STX8: variants seen among roughly 807,000 people sequenced by gnomAD.
The protein encoded by STX8 is syntaxin 8.
A neutral mutation model predicts 37.5 loss-of-function variants in STX8; 23 were observed. That is an observed-to-expected ratio of 0.61 (90% CI 0.44 to 0.87). The LOEUF is 0.87. Ranked by LOEUF, STX8 falls within the 40% of genes least tolerant of loss-of-function variation. The pLI, the probability that STX8 is intolerant of heterozygous loss-of-function variation, is 0.00. For synonymous variants in STX8, 115 were observed against 99.1 expected, an observed-to-expected ratio of 1.16 and a Z score of -0.95; for missense variants, 313 against 284.7, an observed-to-expected ratio of 1.10 and a Z score of -0.71.
intron 4 of STX8, among the ~76,000 whole-genome samples, chr17:9,506,140 C>T (rs1314562322): frequency 6.6e-6 from 1 of 152,070 alleles, no homozygotes; most frequent in South Asian, 2.1e-4. Context: ...GTCTAAGGAA[C>T]AGGAAACACA....
intron 6 of STX8, among the ~76,000 whole-genome samples, chr17:9,431,324 C>T (rs1372868321): frequency 6.6e-6 from 1 of 151,452 alleles, no homozygotes; most frequent in Non-Finnish European, 1.5e-5. Context: ...CTGCCTCGGC[C>T]TCCCAAAGTG....
At chr17:9,340,104 A>G (rs964819470) in intron 7 of STX8, among the ~76,000 whole-genome samples, 1 of 152,274 alleles carries the variant, frequency 6.6e-6, no homozygotes, top group African/African-American at 2.4e-5. Flanking sequence ...ACCATGTCAC[A>G]GAAGCCCACG....
intron 6 of STX8, among the ~76,000 whole-genome samples, chr17:9,451,551 A>G (rs1024847553): frequency 1.3e-5 from 2 of 152,190 alleles, no homozygotes; most frequent in Non-Finnish European, 2.9e-5. Flanking sequence ...GCATTCAGTA[A>G]AAGTTCCTAT....
rs147156454 is a variant in STX8 at position 9,280,114 on chromosome 17, C to CG, written c.644-29470dup. On this transcript the variant is annotated intron_variant, in intron 7 of 7. Transcript: ENST00000306357. ...TGCACGCCTCTAGTCCCAGCTACTG[C>CG]GAGGCAGGGGTGGGAGAATTGCTCG... 4.2e-3 allele frequency among the ~76,000 whole-genome samples: 639 copies of CG among 152,172 alleles called. 4 individuals are homozygous for CG. Among genetic ancestry groups the CG allele is most frequent in the African/African-American group, 0.015 (602 of 41,516 alleles).
intron 7 of STX8, among the ~76,000 whole-genome samples, chr17:9,301,452 CTTT>C (rs889723021): frequency 5.3e-5 from 8 of 151,066 alleles, no homozygotes; most frequent in African/African-American, 1.7e-4. Context: ...CAGTGCTTTA[CTTT>C]TTTTTAATTT....
chr17:9,434,639 T>C (rs1052748775), intron 6 of STX8, among the ~76,000 whole-genome samples: 2 of 152,164 alleles, frequency 1.3e-5, no homozygotes, highest in Non-Finnish European at 2.9e-5. Context: ...AGGCTTAGCC[T>C]GGGAGGGTTC....
chr17:9,306,989 T>C (rs967435298), intron 7 of STX8, among the ~76,000 whole-genome samples: 3 of 151,926 alleles, frequency 2.0e-5, no homozygotes, highest in African/African-American at 7.3e-5. Context: ...CTGGGCGTGG[T>C]GGTGCATGCC....
At chr17:9,426,419 T>G (rs888784354) in intron 6 of STX8, among the ~76,000 whole-genome samples, 24 of 151,796 alleles carry the variant, frequency 1.6e-4, no homozygotes, top group Non-Finnish European at 5.9e-5. Context: ...CCTAGCTACC[T>G]GGGAGGCTGA....
chr17:9,541,760 A>G (rs1250886476), intron 4 of STX8, among the ~76,000 whole-genome samples: 1 of 152,192 alleles, frequency 6.6e-6, no homozygotes, highest in African/African-American at 2.4e-5. Flanking sequence ...CTTCTGCAAA[A>G]TGGGGCATTA....
chr17:9,524,803 G>A (rs529904243), intron 4 of STX8, among the ~76,000 whole-genome samples: 1 of 137,180 alleles, frequency 7.3e-6, no homozygotes, highest in South Asian at 2.7e-4. Flanking sequence ...TTGAGATGGG[G>A]TCTCACTCTG....
chr17:9,525,435 C>G lies in STX8; in HGVS notation c.323+19737G>C, dbSNP rs1449625899. 2.6e-5 allele frequency among the ~76,000 whole-genome samples: 4 copies of G among 151,982 alleles called. No homozygotes were observed. The South Asian group carries it at 8.3e-4, about 31-fold the overall frequency. On this transcript the variant is annotated intron_variant, in intron 4 of 7. Coordinates refer to ENST00000306357, the MANE Select transcript of STX8 (RefSeq NM_004853.3). Reference sequence around the variant, plus strand: ...GATCTCGGCTCACTGCAAGCTCCACCTCCTGGGTTCACACCATTCTCCTGC... The same window carrying G: ...GATCTCGGCTCACTGCAAGCTCCACGTCCTGGGTTCACACCATTCTCCTGC...
chr17:9,451,784 T>C (rs1905049026), intron 6 of STX8, among the ~76,000 whole-genome samples: 3 of 142,538 alleles, frequency 2.1e-5, no homozygotes, highest in East Asian at 3.8e-4. Context: ...AAAATATACA[T>C]ATATACAGAG....
At chr17:9,453,331 C>G (rs79523146) in intron 6 of STX8, among the ~76,000 whole-genome samples, 20 of 152,168 alleles carry the variant, frequency 1.3e-4, no homozygotes, top group East Asian at 1.2e-3. Context: ...TATGTTTACC[C>G]CATGGAGAAA....
chr17:9,569,457 C>T (rs1907597118), intron 1 of STX8: 1 of 154,154 alleles, frequency 6.5e-6, no homozygotes, highest in Admixed American at 6.6e-5. Context: ...TATTGTCTAG[C>T]CTAAAACCAA....
intron 7 of STX8, among the ~76,000 whole-genome samples, chr17:9,270,329 C>G (rs905720622): frequency 2.0e-5 from 3 of 152,182 alleles, no homozygotes; most frequent in Non-Finnish European, 4.4e-5. Context: ...ACTGCAAGCA[C>G]CGCCGTCTCC....
Position 9,568,383 on chromosome 17 carries a change from T to A in STX8, c.105A>T (p.Glu35Asp). 2.5e-6 allele frequency: 4 copies of A among 1,611,528 alleles called. No individual in the cohort carries two copies. Among genetic ancestry groups the A allele is most frequent in the Non-Finnish European group, 3.4e-6 (4 of 1,179,374 alleles). ...TTCATGGTATTACCTTTGGTGCCTT[T>A]TCACCTTTTCTTTCATATTGATTTC... The part of the protein sequence containing the change: ...QQRNQYERKG[E>D]KAPKLTVTIR... Residue 35 changes from glutamate to aspartate, a missense_variant, in exon 2 of 8, where the codon GAA (glutamate) becomes GAT (aspartate). Transcript: ENST00000306357.
chr17:9,551,227 T>C (rs1377471839), intron 3 of STX8, among the ~76,000 whole-genome samples: 1 of 152,204 alleles, frequency 6.6e-6, no homozygotes, highest in African/African-American at 2.4e-5. Context: ...TTTCTGGCTT[T>C]CTTTTTTTAA....
intron 6 of STX8, among the ~76,000 whole-genome samples, chr17:9,379,266 A>T (rs7217138): frequency 0.18 from 26,230 of 148,976 alleles, 2,547 homozygotes; most frequent in Non-Finnish European, 0.22. Flanking sequence ...AAAAAAAAGG[A>T]ACAGACGGCA....
At chr17:9,476,495 C>T (rs1906109591) in intron 6 of STX8, among the ~76,000 whole-genome samples, 2 of 150,880 alleles carry the variant, frequency 1.3e-5, no homozygotes, top group East Asian at 3.9e-4. Flanking sequence ...TTCTGTCACT[C>T]AGGCTGGATT....
Sources: allele counts gnomAD v4.1 joint callset (sites outside exome capture counted in the v4.1 genomes callset), GRCh38; gene constraint gnomAD v4.1.1; transcripts MANE v1.5; gene names NCBI Gene and HGNC (gene_info 2026-07-23, HGNC 2026-07-21).